Variants in TMEM63B observed in about 807,000 individuals in gnomAD.
TMEM63B encodes mechanosensitive cation channel TMEM63B.
Under a neutral mutation model 102.6 loss-of-function variants are expected in TMEM63B, and 23 were observed. The observed-to-expected ratio is 0.22, with a 90% CI of 0.16 to 0.32. The LOEUF is 0.32. Ranked by LOEUF, TMEM63B falls within the 10% of genes least tolerant of loss-of-function variation. The pLI, the probability that TMEM63B is intolerant of heterozygous loss-of-function variation, is 1.00. For synonymous variants in TMEM63B, 444 were observed against 437.0 expected, an observed-to-expected ratio of 1.02 and a Z score of -0.20; for missense variants, 628 against 1,095.9, an observed-to-expected ratio of 0.57 and a Z score of 6.03.
intron 4 of TMEM63B, among the ~76,000 whole-genome samples, 170 bp downstream of exon 4, chr6:44,135,536 C>T (rs1164112744): frequency 6.6e-6 from 1 of 152,236 alleles, no homozygotes; most frequent in Non-Finnish European, 1.5e-5. Context: ...CAGGGGGCTC[C>T]CCAGCTTGTC....
At chr6:44,133,435 C>T (rs1261003458) in intron 1 of TMEM63B, among the ~76,000 whole-genome samples, 1 of 152,182 alleles carries the variant, frequency 6.6e-6, no homozygotes, top group Non-Finnish European at 1.5e-5. Flanking sequence ...TGAGGACCTC[C>T]TCCCCTGCTC....
chr6:44,128,415 C>T (rs926194638), intron 1 of TMEM63B, among the ~76,000 whole-genome samples: 1 of 152,240 alleles, frequency 6.6e-6, no homozygotes, highest in Admixed American at 6.5e-5. Context: ...GGCAAAGGCC[C>T]TGTTGTGGGG....
At chr6:44,139,047 C>T (rs528647508) in intron 6 of TMEM63B, 48 of 262,068 alleles carry the variant, frequency 1.8e-4, no homozygotes, top group African/African-American at 1.0e-3. Flanking sequence ...CCTTCCTTCA[C>T]TTCTGCCTCT....
intron 10 of TMEM63B, among the ~76,000 whole-genome samples, chr6:44,144,373 A>G (rs1764911897): frequency 6.6e-6 from 1 of 152,096 alleles, no homozygotes; most frequent in African/African-American, 2.4e-5. Context: ...ATTAGAGATG[A>G]GTTTAGTGAG....
chr6:44,138,413 T>C (rs1325743235), intron 5 of TMEM63B, 67 bp from the exon 6 acceptor site: 1 of 1,602,918 alleles, frequency 6.2e-7, no homozygotes, highest in African/African-American at 1.3e-5. Flanking sequence ...TGGGTGGGAC[T>C]TGAGGGAGGA....
At chr6:44,139,854 G>A in intron 8 of TMEM63B, 95 bp downstream of exon 8, 2 of 1,509,632 alleles carry the variant, frequency 1.3e-6, no homozygotes, top group East Asian at 2.3e-5. Flanking sequence ...GTTGATGGGA[G>A]CAGAGCCTAC....
chr6:44,147,526 C>A, intron 12 of TMEM63B, 26 bp downstream of exon 12: 2 of 1,612,214 alleles, frequency 1.2e-6, no homozygotes, highest in South Asian at 2.2e-5. Flanking sequence ...GCTGTTGAGT[C>A]GGGAGAAGTT....
intron 1 of TMEM63B, among the ~76,000 whole-genome samples, chr6:44,130,548 T>C (rs991229830): frequency 6.8e-6 from 1 of 146,936 alleles, no homozygotes; most frequent in Non-Finnish European, 1.5e-5. Flanking sequence ...CAGGTGATCT[T>C]CGCACCTCAG....
In TMEM63B at chr6:44,148,304, A is replaced by G. The variant is rs747261100; in HGVS notation, c.1040A>G (p.Tyr347Cys). 1.9e-6 allele frequency: 3 copies of G among 1,614,262 alleles called. No homozygotes were observed. Among genetic ancestry groups the G allele is most frequent in the Non-Finnish European group, 2.5e-6 (3 of 1,180,054 alleles). Residue 347 changes from tyrosine to cysteine, a missense_variant, in exon 13 of 24, where the codon TAC becomes TGC. By Grantham distance (194) the Tyr-to-Cys change is radical (BLOSUM62 -2). This residue lies in a region of TMEM63B where 336 missense variants were observed against 580.3 expected (regional missense o/e 0.58). Coordinates refer to ENST00000323267, the MANE Select transcript of TMEM63B (RefSeq NM_018426.3). The surrounding 1 kb of genome is among the most constrained non-coding windows in gnomAD (Gnocchi z 5.1). ...TKLEQKLKED[Y>C]KREKEKVNEK... The stretch of plus-strand genomic sequence containing the variant: ...CTGGAGCAGAAGCTGAAGGAAGACT[A>G]CAAGCGGGAGAAGGAGAAGGTGAAT...
chr6:44,139,578 G>C lies in TMEM63B; in HGVS notation c.519G>C (p.Val173=). 1 of 1,614,226 alleles carries C rather than the reference G, an allele frequency of 6.2e-7. No homozygotes were observed. Residue 173 remains valine, a synonymous_variant, in exon 7 of 24, where the codon GTG becomes GTC. Coordinates refer to ENST00000323267, the MANE Select transcript of TMEM63B (RefSeq NM_018426.3). ...VVVGVLSVGI[V]LPVNFSGDLL... is the part of the protein sequence containing the mutation. Reference sequence around the variant, plus strand: ...TGGGCGTCCTCTCCGTAGGCATCGTGCTGCCTGTCAACTTCTCAGGGGACC... The same window carrying C: ...TGGGCGTCCTCTCCGTAGGCATCGTCCTGCCTGTCAACTTCTCAGGGGACC...
chr6:44,134,739 T>G lies in TMEM63B; in HGVS notation c.155T>G (p.Phe52Cys). 1 of 1,611,906 alleles carries G rather than the reference T, an allele frequency of 6.2e-7. No individual in the cohort carries two copies. Among genetic ancestry groups the G allele is most frequent in the Non-Finnish European group, 8.5e-7 (1 of 1,178,426 alleles). Residue 52 changes from phenylalanine to cysteine, a missense_variant, in exon 2 of 24, where the codon TTC becomes TGC. Transcript: ENST00000323267. ...PTVLALDFMC[F>C]LALLFLFSIL... The stretch of plus-strand genomic sequence containing the variant: ...GTGCTGGCTCTCGACTTCATGTGCT[T>G]CCTTGTAAGTGCCTGCTGCCACCCC...
At chr6:44,130,326 A>C (rs183419351) in intron 1 of TMEM63B, among the ~76,000 whole-genome samples, 1 of 152,362 alleles carries the variant, frequency 6.6e-6, no homozygotes, top group East Asian at 1.9e-4. Context: ...GATGGGGAGC[A>C]AATGAGTTAC....
chr6:44,133,459 C>T (rs948319135), intron 1 of TMEM63B, among the ~76,000 whole-genome samples: 3 of 152,182 alleles, frequency 2.0e-5, no homozygotes, highest in African/African-American at 4.8e-5. Flanking sequence ...AGCCCGCCCC[C>T]GAGGCAGAGC....
Position 44,135,107 on chromosome 6 carries a change from G to C in TMEM63B, c.239+11G>C, listed in dbSNP as rs538407260. The C allele has an allele frequency of 1.2e-6, 2 of 1,613,822 alleles. No homozygotes were observed. The highest frequency in any genetic ancestry group is 2.2e-5 in the East Asian group (1 of 44,886). ...GACAGATGCAGACAGGTAAGGGTCT[G>C]GGACCCTCCCTCTAGCTCTCCACAC... On this transcript the variant is annotated intron_variant, in intron 3 of 23. Coordinates refer to ENST00000323267, the MANE Select transcript of TMEM63B (RefSeq NM_018426.3).
chr6:44,132,395 A>C, intron 1 of TMEM63B: 6 of 888,742 alleles, frequency 6.8e-6, no homozygotes, highest in Non-Finnish European at 8.1e-6. Flanking sequence ...TGGAGAAGAC[A>C]GGAGTTGATA....
chr6:44,149,500 C>T (rs1370716822), intron 15 of TMEM63B, among the ~76,000 whole-genome samples: 2 of 152,186 alleles, frequency 1.3e-5, no homozygotes, highest in East Asian at 3.9e-4. Flanking sequence ...GGATTCAAAT[C>T]CCTACCTCAT....
Position 44,150,923 on chromosome 6 carries a change from A to C in TMEM63B, c.1673+294A>C, listed in dbSNP as rs977148080. On this transcript the variant is annotated intron_variant, in intron 18 of 23. Transcript: ENST00000323267. This position sits in a 1 kb window ranked among gnomAD's most constrained non-coding sequence, Gnocchi z 4.7. The stretch of plus-strand genomic sequence containing the variant: ...GGGGCTCCACATTCTGGTAGTTTCT[A>C]TGGGGGTGTCTTGTGCCCATATTCT... Among the ~76,000 whole-genome samples, 1 of 152,068 alleles carries C rather than the reference A, an allele frequency of 6.6e-6. No individual in the cohort carries two copies. Among genetic ancestry groups the C allele is most frequent in the Admixed American group, 6.6e-5 (1 of 15,260 alleles).
intron 15 of TMEM63B, 152 bp from the exon 16 acceptor site, chr6:44,149,707 C>T (rs1766184884): frequency 4.8e-6 from 3 of 630,674 alleles, no homozygotes; most frequent in Non-Finnish European, 5.6e-6. Context: ...TGGCCCCCAC[C>T]CTCACCCCAG....
Position 44,136,382 on chromosome 6 carries a change from C to G in TMEM63B, c.312C>G (p.Asp104Glu). 1 of 1,614,116 alleles carries G rather than the reference C, an allele frequency of 6.2e-7. No homozygotes were observed. Among genetic ancestry groups the G allele is most frequent in the Non-Finnish European group, 8.5e-7 (1 of 1,180,018 alleles). The change falls in exon 5 of 24, where the codon GAC becomes GAG. Residue 104 changes from aspartate (D) to glutamate (E), a missense_variant. Around this residue, in one of 6 missense-constraint regions of TMEM63B, gnomAD observed 336 missense variants for 580.3 expected, o/e 0.58. Coordinates refer to ENST00000323267, the MANE Select transcript of TMEM63B (RefSeq NM_018426.3). ...CAGCTATGCACGGGGACAGCCATGA[C>G]CGGTATGAGCGTCTCACCTCTGTCT... is the stretch of plus-strand genomic sequence containing the variant. ...VASAMHGDSH[D>E]RYERLTSVSS...
Sources: allele counts gnomAD v4.1 joint callset (sites outside exome capture counted in the v4.1 genomes callset), GRCh38; gene constraint gnomAD v4.1.1; regional missense constraint gnomAD v4.1.1; non-coding constraint Gnocchi (gnomAD v3.1); transcripts MANE v1.5; gene names NCBI Gene and HGNC (gene_info 2026-07-23, HGNC 2026-07-21).